ANGPTL3: variants seen among roughly 807,000 people sequenced by gnomAD.
ANGPTL3 encodes the protein angiopoietin like 3.
A neutral mutation model predicts 52.7 loss-of-function variants in ANGPTL3; 51 were observed. The observed-to-expected ratio is 0.97, with a 90% CI of 0.77 to 1.22. The LOEUF (loss-of-function observed/expected upper bound fraction) is 1.22, where lower values mean the gene tolerates loss of function less well. Ranked by LOEUF, ANGPTL3 falls within the 50% of genes most tolerant of loss-of-function variation. The pLI is 0.00. For missense variants in ANGPTL3, 506 were observed against 520.7 expected (o/e 0.97, Z 0.27); for synonymous variants, 185 against 179.8 (o/e 1.03, Z -0.23).
chr1:62,602,478 C>A (rs554562141), intron 5 of ANGPTL3, 98 bp downstream of exon 5: 1 of 1,014,566 alleles, frequency 9.9e-7, no homozygotes. Flanking sequence ...TAGTAACGAA[C>A]GAGAAGCAGT....
chr1:62,601,889 C>T lies in ANGPTL3; in HGVS notation c.835+7C>T. ...TACTGTGATGTTATATCAGGTAAAA[C>T]CTGTCTAAGGAGAATAGACAGTAGT... On this transcript the variant is annotated splice_region_variant and intron_variant, in intron 4 of 6. Transcript: ENST00000371129. 2 of 1,574,822 alleles carry T rather than the reference C, an allele frequency of 1.3e-6. No individual in the cohort carries two copies.
intron 6 of ANGPTL3, 176 bp from the exon 7 acceptor site, chr1:62,604,457 G>C (rs1432906372): frequency 7.8e-6 from 7 of 897,200 alleles, no homozygotes. Context: ...GTAGTGTATA[G>C]ATTATTTATA....
Position 62,603,953 on chromosome 1 carries a change from A to T in ANGPTL3, c.932-16A>T, listed in dbSNP as rs756105227. On this transcript the variant is annotated splice_polypyrimidine_tract_variant and intron_variant, in intron 5 of 6. Coordinates refer to ENST00000371129, the MANE Select transcript of ANGPTL3 (RefSeq NM_014495.4). ...GTACTTAATAACTCACAGATTTTTA[A>T]AACTTTTCTTTTCAGGAGAATTTTG... The T allele has an allele frequency of 6.2e-7, 1 of 1,611,486 alleles. No homozygotes were observed. Among genetic ancestry groups the T allele is most frequent in the African/African-American group, 1.3e-5 (1 of 74,830 alleles).
chr1:62,604,081 T>C lies in ANGPTL3; in HGVS notation c.1044T>C (p.Ser348=). 6.2e-7 allele frequency: 1 copy of C among 1,613,266 alleles called. No individual in the cohort carries two copies. The highest frequency in any genetic ancestry group is 8.5e-7 in the Non-Finnish European group (1 of 1,179,412). The change falls in exon 6 of 7, where the codon TCT becomes TCC. Residue 348 remains serine, a synonymous_variant. Transcript: ENST00000371129. Reference sequence around the variant, plus strand: ...ACAACAAACATTATATTGAATATTCTTTTTACTTGGGAAATCACGAAACCA... The same window carrying C: ...ACAACAAACATTATATTGAATATTCCTTTTACTTGGGAAATCACGAAACCA... ...WKDNKHYIEY[S]FYLGNHETNY...
At chr1:62,601,656 C>T in intron 3 of ANGPTL3, 113 bp from the exon 4 acceptor site, 1 of 719,696 alleles carries the variant, frequency 1.4e-6, no homozygotes. Flanking sequence ...ATAAACATTA[C>T]TGAAAAAATG....
rs569915258 is a variant in ANGPTL3 at position 62,605,954 on chromosome 1, C to T, written c.*1137C>T. On this transcript the variant is annotated 3_prime_UTR_variant, in exon 7 of 7. Transcript: ENST00000371129. ...CCAGTAAGAAATTTTAAATTAAACCCATTTGTTAAAGGATATAGTGCCCAA... is the reference window on the plus strand; with the variant it reads ...CCAGTAAGAAATTTTAAATTAAACCTATTTGTTAAAGGATATAGTGCCCAA... 2.8e-4 allele frequency: 43 copies of T among 151,898 alleles called. No individual in the cohort carries two copies. Among genetic ancestry groups the T allele is most frequent in the African/African-American group, 8.7e-4 (36 of 41,484 alleles). 9.4% of individuals were successfully genotyped at this position (151,898 alleles called of 1,614,324 possible).
At position 62,604,977 on chromosome 1, in the gene ANGPTL3, A is replaced by G; in HGVS notation, c.*160A>G. The G allele has an allele frequency of 1.5e-6, 1 of 680,366 alleles. No individual in the cohort carries two copies. The allele number at this position is 680,366 out of a possible 1,614,324, so 42.1% of individuals were successfully genotyped here. On this transcript the variant is annotated 3_prime_UTR_variant, in exon 7 of 7. Transcript: ENST00000371129. ...TTAAGATTAAACATACAATCACATA[A>G]CCTTAAAGAATACCGTTTACATTTC...
Position 62,597,918 on chromosome 1 carries a change from C to T in ANGPTL3, c.352C>T (p.Leu118Phe), listed in dbSNP as rs772744707. The change falls in exon 1 of 7, where the codon CTT becomes TTT. Residue 118 changes from leucine to phenylalanine, a missense_variant. Physicochemically the swap from Leu to Phe is conservative, Grantham distance 22. Coordinates refer to ENST00000371129, the MANE Select transcript of ANGPTL3 (RefSeq NM_014495.4). ...AAATGAAGAGGTAAAGAATATGTCACTTGAACTCAACTCAAAACTTGAAAG... is the reference window on the plus strand; with the variant it reads ...AAATGAAGAGGTAAAGAATATGTCATTTGAACTCAACTCAAAACTTGAAAG... ...VKNEEVKNMS[L>F]ELNSKLESLL... 2.7e-5 allele frequency: 42 copies of T among 1,553,878 alleles called. No homozygotes were observed. The highest frequency in any genetic ancestry group is 3.5e-5 in the Non-Finnish European group (40 of 1,157,472).
At chr1:62,603,864 G>A in intron 5 of ANGPTL3, 105 bp from the exon 6 acceptor site, 1 of 1,090,340 alleles carries the variant, frequency 9.2e-7, no homozygotes, top group Non-Finnish European at 1.4e-6. Flanking sequence ...AGGGATTCAA[G>A]ACTAAACAAC....
chr1:62,601,999 T>G (rs1240885743), intron 4 of ANGPTL3, 117 bp downstream of exon 4: 1 of 642,352 alleles, frequency 1.6e-6, no homozygotes, highest in South Asian at 1.9e-5. Context: ...TATATGAGTA[T>G]TCGTATAAAT....
chr1:62,602,193 C>T (rs777921428), intron 4 of ANGPTL3, 92 bp from the exon 5 acceptor site: 153 of 1,033,110 alleles, frequency 1.5e-4, no homozygotes, highest in Non-Finnish European at 2.2e-4. Context: ...CCTTACAAAA[C>T]CACCAATTAA....
chr1:62,601,745 G>C, intron 3 of ANGPTL3, 24 bp from the exon 4 acceptor site: 1 of 1,449,908 alleles, frequency 6.9e-7, no homozygotes, highest in Non-Finnish European at 9.7e-7. Context: ...TAAATCTGAT[G>C]TAATAACATT....
intron 2 of ANGPTL3, among the ~76,000 whole-genome samples, chr1:62,599,763 A>G (rs1649832183): frequency 6.6e-6 from 1 of 151,954 alleles, no homozygotes; most frequent in South Asian, 2.1e-4. Context: ...AGTGTGCCTC[A>G]TAATTAAAGG....
Position 62,598,745 on chromosome 1 carries a change from T to C in ANGPTL3, c.545T>C (p.Val182Ala), listed in dbSNP as rs1251522655. The C allele has an allele frequency of 2.5e-6, 4 of 1,611,568 alleles. No individual in the cohort carries two copies. Among genetic ancestry groups the C allele is most frequent in the Non-Finnish European group, 3.4e-6 (4 of 1,178,140 alleles). ...AGCATCAAAGACCTTCTCCAGACCGTGGAAGACCAATATAAACAATTAAAC... is the reference window on the plus strand; with the variant it reads ...AGCATCAAAGACCTTCTCCAGACCGCGGAAGACCAATATAAACAATTAAAC... ...DNSIKDLLQT[V>A]EDQYKQLNQQ... Residue 182 changes from valine to alanine, a missense_variant, in exon 2 of 7, where the codon GTG (valine) becomes GCG (alanine). Physicochemically the swap from Val to Ala is moderately conservative, Grantham distance 64 (BLOSUM62 0). Coordinates refer to ENST00000371129, the MANE Select transcript of ANGPTL3 (RefSeq NM_014495.4).
Position 62,603,986 on chromosome 1 carries a change from C to T in ANGPTL3, c.949C>T (p.Leu317=). Residue 317 remains leucine (L), a synonymous_variant, in exon 6 of 7, where the codon CTA becomes TTA. Coordinates refer to ENST00000371129, the MANE Select transcript of ANGPTL3 (RefSeq NM_014495.4). ...CTTTTCAGGAGAATTTTGGTTGGGC[C>T]TAGAGAAGATATACTCCATAGTGAA... is the stretch of plus-strand genomic sequence containing the variant. ...GRLDGEFWLG[L]EKIYSIVKQS... is the part of the protein sequence containing the mutation. 2.5e-6 allele frequency: 4 copies of T among 1,612,732 alleles called. No homozygotes were observed. In the South Asian group the frequency reaches 4.4e-5, roughly 18 times the overall value.
At chr1:62,599,477 T>C (rs568210095) in intron 2 of ANGPTL3, among the ~76,000 whole-genome samples, 1 of 152,142 alleles carries the variant, frequency 6.6e-6, no homozygotes, top group Admixed American at 6.6e-5. Flanking sequence ...CCCTGAAAAC[T>C]TCTACTTCCT....
intron 1 of ANGPTL3, among the ~76,000 whole-genome samples, chr1:62,598,285 T>C (rs1422741022): frequency 6.6e-6 from 1 of 152,026 alleles, no homozygotes; most frequent in Non-Finnish European, 1.5e-5. Flanking sequence ...GCATTTTATA[T>C]GAAAATTACA....
chr1:62,605,049 G>A lies in ANGPTL3; in HGVS notation c.*232G>A. On this transcript the variant is annotated 3_prime_UTR_variant, in exon 7 of 7. Transcript: ENST00000371129. The stretch of plus-strand genomic sequence containing the variant: ...CTATTTGTTTTAAATTTTGTGATGT[G>A]GGAATCAATTTTAGATGGTCACAAT... The A allele has an allele frequency of 2.2e-6, 1 of 445,144 alleles. No individual in the cohort carries two copies. The highest frequency in any genetic ancestry group is 4.0e-6 in the Non-Finnish European group (1 of 248,860). 27.6% of individuals were successfully genotyped at this position (445,144 alleles called of 1,614,324 possible).
rs143783479 is a variant in ANGPTL3 at position 62,600,841 on chromosome 1, C to T, written c.607-241C>T. On this transcript the variant is annotated intron_variant, in intron 2 of 6. Transcript: ENST00000371129. ...CTACTTTTGGCCTTGCTCTGTTTTC[C>T]GACCAATGTCTGCTTTTTTGCCTTG... Among the ~76,000 whole-genome samples the T allele has an allele frequency of 1.9e-3, 287 of 151,758 alleles. 2 individuals carry two copies. The highest frequency in any genetic ancestry group is 6.2e-3 in the African/African-American group (257 of 41,498).
Sources: gnomAD v4.1 joint callset for allele counts (sites outside exome capture counted in the v4.1 genomes callset) on GRCh38, gnomAD v4.1.1 for gene constraint, MANE v1.5 for transcripts, NCBI Gene and HGNC (gene_info 2026-07-23, HGNC 2026-07-21) for gene names.